Variants in MAGI2 observed in about 807,000 individuals in gnomAD.
MAGI2 encodes membrane-associated guanylate kinase, WW and PDZ domain-containing protein 2.
Under a neutral mutation model 133.3 loss-of-function variants are expected in MAGI2, and 35 were observed. The observed-to-expected ratio is 0.26, with a 90% CI of 0.20 to 0.35. MAGI2 has a LOEUF of 0.35. Among genes scored for constraint, MAGI2 ranks in the 10% least tolerant of loss-of-function variants. MAGI2 has a pLI of 1.00. For missense variants in MAGI2, 1,636 were observed against 1,863.4 expected (o/e 0.88, Z 2.25); for synonymous variants, 729 against 710.6 (o/e 1.03, Z -0.41).
chr7:78,639,489 A>C (rs1810046738), intron 2 of MAGI2, among the ~76,000 whole-genome samples: 1 of 152,138 alleles, frequency 6.6e-6, no homozygotes, highest in Non-Finnish European at 1.5e-5. Context: ...TTAAATCTTG[A>C]GTTGAAGAAT....
intron 2 of MAGI2, among the ~76,000 whole-genome samples, chr7:78,723,299 A>G (rs960690685): frequency 2.8e-4 from 42 of 152,268 alleles, no homozygotes; most frequent in African/African-American, 9.4e-4. Flanking sequence ...ACATTCATCC[A>G]TTTTCTTTCA....
intron 2 of MAGI2, among the ~76,000 whole-genome samples, chr7:78,670,075 A>G (rs1005633740): frequency 2.0e-5 from 3 of 151,588 alleles, no homozygotes; most frequent in African/African-American, 7.3e-5. Context: ...TGGCCAGGGC[A>G]ATTAGGCAGG....
At chr7:78,387,973 T>TAAAA (rs869208714) in intron 6 of MAGI2, among the ~76,000 whole-genome samples, 11 of 141,212 alleles carry the variant, frequency 7.8e-5, no homozygotes, top group South Asian at 2.3e-4. Context: ...AATAAATAAA[T>TAAAA]AAAATAATAA....
At chr7:78,696,589 G>T (rs73147035) in intron 2 of MAGI2, among the ~76,000 whole-genome samples, 7,816 of 151,892 alleles carry the variant, frequency 0.051, 280 homozygotes, top group Non-Finnish European at 0.077. Flanking sequence ...CTTGCATCAG[G>T]TTTCCTAAGA....
intron 20 of MAGI2, among the ~76,000 whole-genome samples, chr7:78,110,316 G>C (rs1054647724): frequency 6.6e-6 from 1 of 152,146 alleles, no homozygotes; most frequent in African/African-American, 2.4e-5. Flanking sequence ...TAATTCAGCT[G>C]ATACCATCCT....
chr7:78,188,652 G>A (rs1827922232), intron 12 of MAGI2, among the ~76,000 whole-genome samples: 1 of 152,106 alleles, frequency 6.6e-6, no homozygotes, highest in Non-Finnish European at 1.5e-5. Flanking sequence ...AATGCCATCG[G>A]ACACCAGCAG....
intron 1 of MAGI2, among the ~76,000 whole-genome samples, chr7:79,195,817 A>G (rs1033559593): frequency 2.0e-5 from 3 of 151,846 alleles, no homozygotes; most frequent in Non-Finnish European, 4.4e-5. Context: ...ATACAACAAC[A>G]TGGATGAACC....
At chr7:79,423,055 C>T (rs1847089890) in intron 1 of MAGI2, among the ~76,000 whole-genome samples, 1 of 151,934 alleles carries the variant, frequency 6.6e-6, no homozygotes, top group Non-Finnish European at 1.5e-5. Context: ...TACATGGCTG[C>T]CCAATTAAAT....
intron 1 of MAGI2, among the ~76,000 whole-genome samples, chr7:79,230,717 G>A (rs938337235): frequency 2.6e-5 from 4 of 152,160 alleles, no homozygotes; most frequent in African/African-American, 7.2e-5. Context: ...AGTAGGTTGT[G>A]AAAATTTTCT....
At chr7:79,059,699 A>C (rs1399731136) in intron 1 of MAGI2, among the ~76,000 whole-genome samples, 17 of 152,122 alleles carry the variant, frequency 1.1e-4, no homozygotes, top group Non-Finnish European at 2.4e-4. Context: ...GCATATATTT[A>C]AACTTATGAG....
Position 79,188,528 on chromosome 7 carries a change from G to A in MAGI2, c.302-181322C>T, listed in dbSNP as rs557456552. Among the ~76,000 whole-genome samples the A allele has an allele frequency of 1.8e-4, 28 of 151,806 alleles. 1 individual carries two copies. Among genetic ancestry groups the A allele is most frequent in the African/African-American group, 6.1e-4 (25 of 41,314 alleles). Reference sequence around the variant, plus strand: ...CATTTTCCTTATCCAGTCTATCATTGATGGGCATTTGGTTGATTCCAGGTC... The same window carrying A: ...CATTTTCCTTATCCAGTCTATCATTAATGGGCATTTGGTTGATTCCAGGTC... On this transcript the variant is annotated intron_variant, in intron 1 of 21. Coordinates refer to ENST00000354212, the MANE Select transcript of MAGI2 (RefSeq NM_012301.4).
intron 1 of MAGI2, among the ~76,000 whole-genome samples, chr7:79,117,272 A>G (rs529930327): frequency 2.8e-4 from 42 of 152,278 alleles, no homozygotes; most frequent in African/African-American, 9.9e-4. Context: ...TTGCTGCAAT[A>G]TTTTAACATG....
chr7:78,511,931 T>TA (rs369351062), intron 4 of MAGI2, among the ~76,000 whole-genome samples: 5,346 of 145,502 alleles, frequency 0.037, 127 homozygotes, highest in Non-Finnish European at 0.057. Context: ...TCGTCTCTAC[T>TA]AAAAAAAAAA....
intron 6 of MAGI2, among the ~76,000 whole-genome samples, chr7:78,381,825 C>T (rs1261838297): frequency 6.6e-6 from 1 of 152,126 alleles, no homozygotes; most frequent in African/African-American, 2.4e-5. Context: ...GGGAAACTGT[C>T]CCCTCATACC....
At chr7:78,990,905 T>TACAC (rs140828645) in intron 2 of MAGI2, among the ~76,000 whole-genome samples, 20,060 of 141,120 alleles carry the variant, frequency 0.14, 1,470 homozygotes, top group Non-Finnish European at 0.17. Context: ...TATATGTACA[T>TACAC]ACACACACAC....
intron 10 of MAGI2, among the ~76,000 whole-genome samples, chr7:78,220,058 C>T (rs1788657194): frequency 1.3e-5 from 2 of 152,140 alleles, no homozygotes; most frequent in African/African-American, 4.8e-5. Flanking sequence ...CAACCTACTC[C>T]ATGACCTGGC....
intron 1 of MAGI2, among the ~76,000 whole-genome samples, chr7:79,390,911 T>C (rs537923887): frequency 6.6e-6 from 1 of 152,198 alleles, no homozygotes; most frequent in African/African-American, 2.4e-5. Flanking sequence ...CTCTTTTGAG[T>C]CCCCAGCCAT....
chr7:79,032,885 T>C (rs1810738139), intron 1 of MAGI2, among the ~76,000 whole-genome samples: 1 of 151,774 alleles, frequency 6.6e-6, no homozygotes, highest in Non-Finnish European at 1.5e-5. Flanking sequence ...TTTAAAGTTC[T>C]TTTGAGAAGG....
intron 10 of MAGI2, among the ~76,000 whole-genome samples, chr7:78,238,290 G>A (rs1250077114): frequency 6.6e-6 from 1 of 152,060 alleles, no homozygotes; most frequent in Non-Finnish European, 1.5e-5. Context: ...GGCATCTCAA[G>A]CTTGACATGT....
Sources: gnomAD v4.1 joint callset for allele counts (sites outside exome capture counted in the v4.1 genomes callset) on GRCh38, gnomAD v4.1.1 for gene constraint, MANE v1.5 for transcripts, NCBI Gene and HGNC (gene_info 2026-07-23, HGNC 2026-07-21) for gene names.